KIF13B: variants seen among roughly 807,000 people sequenced by gnomAD.
The protein encoded by KIF13B is kinesin-like protein KIF13B.
Under a neutral mutation model 222.0 loss-of-function variants are expected in KIF13B, and 127 were observed. That is an observed-to-expected ratio of 0.57 (90% CI 0.50 to 0.66). KIF13B has a LOEUF of 0.66. Ranked by LOEUF, KIF13B falls within the 30% of genes least tolerant of loss-of-function variation. KIF13B has a pLI of 0.00. For missense variants in KIF13B, 2,173 were observed against 2,379.0 expected, an observed-to-expected ratio of 0.91 and a Z score of 1.80; for synonymous variants, 976 against 919.0, an observed-to-expected ratio of 1.06 and a Z score of -1.12.
At chr8:29,108,821 G>T (rs1194041003) in intron 34 of KIF13B, among the ~76,000 whole-genome samples, 1 of 152,172 alleles carries the variant, frequency 6.6e-6, no homozygotes, top group African/African-American at 2.4e-5. Context: ...CTCTTGGTGT[G>T]AAGTTAGGAG....
At chr8:29,240,330 A>G (rs1348139278) in intron 2 of KIF13B, among the ~76,000 whole-genome samples, 1 of 151,846 alleles carries the variant, frequency 6.6e-6, no homozygotes, top group Non-Finnish European at 1.5e-5. Context: ...CAGCAGGGAA[A>G]AAAAAAAAAA....
chr8:29,173,768 A>T (rs1469479256), intron 10 of KIF13B, among the ~76,000 whole-genome samples: 3 of 151,994 alleles, frequency 2.0e-5, no homozygotes, highest in African/African-American at 7.3e-5. Context: ...ACATGGCAAA[A>T]CCCTGTCTCT....
At chr8:29,185,712 T>C (rs1457076368) in intron 6 of KIF13B, among the ~76,000 whole-genome samples, 1 of 152,236 alleles carries the variant, frequency 6.6e-6, no homozygotes, top group Non-Finnish European at 1.5e-5. Context: ...GGCCTCAGCT[T>C]ATTTGGCTCT....
intron 19 of KIF13B, among the ~76,000 whole-genome samples, chr8:29,141,883 G>C (rs748384066): frequency 2.6e-5 from 4 of 152,196 alleles, no homozygotes; most frequent in Non-Finnish European, 4.4e-5. Context: ...ACAGGAGACA[G>C]ACACCCGCAC....
At position 29,132,678 on chromosome 8, in the gene KIF13B, T is replaced by A. The variant is rs181950825; in HGVS notation, c.2785-213A>T. On this transcript the variant is annotated intron_variant, in intron 22 of 39. Coordinates refer to ENST00000524189, the MANE Select transcript of KIF13B (RefSeq NM_015254.4). ...CATAAGTATAAATCGGAATTTTTTTTAAACTTTTCAGATTGAAAGTCTAGT... is the reference window on the plus strand; with the variant it reads ...CATAAGTATAAATCGGAATTTTTTTAAAACTTTTCAGATTGAAAGTCTAGT... 4.0e-3 allele frequency among the ~76,000 whole-genome samples: 615 copies of A among 152,346 alleles called. 3 individuals are homozygous for A. Among genetic ancestry groups the A allele is most frequent in the African/African-American group, 0.013 (559 of 41,584 alleles).
Position 29,166,124 on chromosome 8 carries a change from T to C in KIF13B, c.1159-352A>G, listed in dbSNP as rs138272823. ...GACACATGATTCATTCTAGCCCTTATTGATGACTTCAGGAATTTATCCACA... is the reference window on the plus strand; with the variant it reads ...GACACATGATTCATTCTAGCCCTTACTGATGACTTCAGGAATTTATCCACA... On this transcript the variant is annotated intron_variant, in intron 11 of 39. Coordinates refer to ENST00000524189, the MANE Select transcript of KIF13B (RefSeq NM_015254.4). Among the ~76,000 whole-genome samples the C allele has an allele frequency of 4.1e-3, 619 of 152,350 alleles. 5 individuals are homozygous for C. Among genetic ancestry groups the C allele is most frequent in the African/African-American group, 0.014 (563 of 41,578 alleles).
At chr8:29,240,653 A>G (rs1815733719) in intron 2 of KIF13B, among the ~76,000 whole-genome samples, 1 of 152,262 alleles carries the variant, frequency 6.6e-6, no homozygotes, top group South Asian at 2.1e-4. Flanking sequence ...CTAGTTTACC[A>G]GAACGCGGGG....
intron 18 of KIF13B, among the ~76,000 whole-genome samples, chr8:29,144,050 C>T (rs1298597512): frequency 1.4e-5 from 2 of 147,760 alleles, no homozygotes; most frequent in East Asian, 3.9e-4. Flanking sequence ...AAAAAAAAAG[C>T]CCCTATACAT....
At chr8:29,241,800 A>C (rs1434184150) in intron 2 of KIF13B, among the ~76,000 whole-genome samples, 1 of 151,954 alleles carries the variant, frequency 6.6e-6, no homozygotes, top group African/African-American at 2.4e-5. Context: ...TCGGCCCTTG[A>C]GTACACAGCT....
At chr8:29,172,686 G>A (rs117267706) in intron 10 of KIF13B, among the ~76,000 whole-genome samples, 129 of 152,192 alleles carry the variant, frequency 8.5e-4, no homozygotes, top group Non-Finnish European at 1.4e-3. Flanking sequence ...TTCCAATCCC[G>A]ATCCTGCCAT....
At chr8:29,243,471 A>T (rs1815873069) in intron 2 of KIF13B, among the ~76,000 whole-genome samples, 1 of 152,124 alleles carries the variant, frequency 6.6e-6, no homozygotes, top group African/African-American at 2.4e-5. Context: ...AGGCTGGCCA[A>T]CATGGCAAAA....
At position 29,072,052 on chromosome 8, in the gene KIF13B, G is replaced by T. The variant is rs576809142; in HGVS notation, c.4786C>A (p.Pro1596Thr). Reference sequence around the variant, plus strand: ...TCGGGCTCGGCCTCAGGGGCGGTGGGCATGGACCCCGGCGGGGCCGCAGCG... The same window carrying T: ...TCGGGCTCGGCCTCAGGGGCGGTGGTCATGGACCCCGGCGGGGCCGCAGCG... ...LDAAAPPGSM[P>T]TAPEAEPEAP... is the part of the protein sequence containing the mutation. The change falls in exon 39 of 40, where the codon CCC (proline) becomes ACC (threonine). Residue 1596 changes from proline (P) to threonine (T), a missense_variant. Physicochemically the swap from Pro to Thr is conservative, Grantham distance 38. This residue lies in a region of KIF13B where 693 missense variants were observed against 656.2 expected (regional missense o/e 1.06). Transcript: ENST00000524189. The T allele has an allele frequency of 2.0e-4, 256 of 1,304,200 alleles. No homozygotes were observed. In the African/African-American group the frequency reaches 3.4e-3, roughly 17 times the overall value. The allele number at this position is 1,304,200 out of a possible 1,614,324, so 80.8% of individuals were successfully genotyped here. A position where few individuals can be genotyped will look rare whatever the true frequency, so the allele number is the denominator to read the frequency against.
Position 29,122,626 on chromosome 8 carries a change from T to C in KIF13B, c.3500A>G (p.Glu1167Gly), listed in dbSNP as rs370420261. 3.7e-6 allele frequency: 6 copies of C among 1,609,736 alleles called. No individual in the cohort carries two copies. The highest frequency in any genetic ancestry group is 4.2e-6 in the Non-Finnish European group (5 of 1,177,950). ...PAEWTPVPGM[E>G]THIPVIFLDL... is the part of the protein sequence containing the mutation. ...CAGGAATATAACAGGAATGTGTGTC[T>C]CCATCCCAGGTACTGGGGTCCTAAA... is the stretch of plus-strand genomic sequence containing the variant. The change falls in exon 29 of 40, where the codon GAG becomes GGG. Residue 1167 changes from glutamate (E) to glycine (G), a missense_variant. Physicochemically the swap from Glu to Gly is moderately conservative, Grantham distance 98. Around this residue, in one of 2 missense-constraint regions of KIF13B, gnomAD observed 1,480 missense variants for 1,722.8 expected, o/e 0.86. Transcript: ENST00000524189.
At chr8:29,173,463 A>G (rs561336382) in intron 10 of KIF13B, among the ~76,000 whole-genome samples, 1 of 63,870 alleles carries the variant, frequency 1.6e-5, no homozygotes, top group African/African-American at 3.9e-5. Context: ...TCTACTAAAA[A>G]TTGAAAAAAA....
chr8:29,118,327 T>TAAA (rs1208760858), intron 30 of KIF13B, among the ~76,000 whole-genome samples: 1 of 120,656 alleles, frequency 8.3e-6, no homozygotes. Context: ...CCATCTCTAC[T>TAAA]AAAAAAAAAA....
rs1246522576 is a variant in KIF13B at position 29,167,572 on chromosome 8, C to T, written c.959G>A (p.Gly320Asp). ...LTWLLKDSLG[G>D]NSKTAMVATV... is the part of the protein sequence containing the mutation. ...AGCCACCATGGCGGTCTTGCTGTTA[C>T]CCCCGAGGCTGTCCTACAGGAGAAA... Residue 320 changes from glycine to aspartate, a missense_variant, in exon 11 of 40, where the codon GGT becomes GAT. Coordinates refer to ENST00000524189, the MANE Select transcript of KIF13B (RefSeq NM_015254.4). 1 of 1,613,760 alleles carries T rather than the reference C, an allele frequency of 6.2e-7. No homozygotes were observed. Among genetic ancestry groups the T allele is most frequent in the Non-Finnish European group, 8.5e-7 (1 of 1,179,686 alleles).
intron 5 of KIF13B, among the ~76,000 whole-genome samples, chr8:29,187,257 G>A (rs972508143): frequency 5.3e-5 from 8 of 152,178 alleles, no homozygotes; most frequent in African/African-American, 1.9e-4. Context: ...GCTGAATGCG[G>A]TGGCTCACGC....
chr8:29,249,063 C>T (rs1320998364), intron 1 of KIF13B, among the ~76,000 whole-genome samples: 1 of 152,196 alleles, frequency 6.6e-6, no homozygotes, highest in Non-Finnish European at 1.5e-5. Flanking sequence ...TTTATCCTCT[C>T]ATATTCTTAT....
chr8:29,117,076 C>T, intron 30 of KIF13B, 69 bp from the exon 31 acceptor site: 2 of 1,418,524 alleles, frequency 1.4e-6, no homozygotes, highest in Admixed American at 2.2e-5. Flanking sequence ...TTCAAGGAAA[C>T]CACCTTGGCT....
Sources: allele counts gnomAD v4.1 joint callset (sites outside exome capture counted in the v4.1 genomes callset), GRCh38; gene constraint gnomAD v4.1.1; regional missense constraint gnomAD v4.1.1; transcripts MANE v1.5; gene names NCBI Gene and HGNC (gene_info 2026-07-23, HGNC 2026-07-21).